The following NEB variants were observed in gnomAD, a reference collection of about 807,000 sequenced individuals.
NEB encodes the protein nemaline myopathy type 2.
NEB carries 512 observed loss-of-function variants against 952.2 expected under a neutral mutation model. The ratio of observed to expected loss-of-function variants is 0.54; its 90% CI spans 0.50 to 0.58. The LOEUF (loss-of-function observed/expected upper bound fraction) is 0.58, where lower values mean the gene tolerates loss of function less well. Ranked by LOEUF, NEB falls within the 20% of genes least tolerant of loss-of-function variation. The pLI, the probability that NEB is intolerant of heterozygous loss-of-function variation, is 0.00. For missense variants in NEB, 8,428 were observed against 9,231.1 expected (o/e 0.91, Z 3.56); for synonymous variants, 2,900 against 3,149.8 (o/e 0.92, Z 2.66).
intron 121 of NEB, among the ~76,000 whole-genome samples, chr2:151,561,731 T>A (rs922678207): frequency 2.6e-5 from 4 of 152,146 alleles, no homozygotes; most frequent in Non-Finnish European, 5.9e-5. Context: ...AACCACGTGC[T>A]GAAAAGTTTT....
At chr2:151,709,280 T>C (rs1194100289) in intron 12 of NEB, among the ~76,000 whole-genome samples, 4 of 152,212 alleles carry the variant, frequency 2.6e-5, no homozygotes, top group Non-Finnish European at 4.4e-5. Context: ...TGTCTAAGAT[T>C]ACAATCTTTC....
In NEB at chr2:151,485,875, T is replaced by C. The variant is rs201714437; in HGVS notation, c.25463A>G (p.Lys8488Arg). The C allele has an allele frequency of 7.4e-4, 1,193 of 1,613,906 alleles. No individual in the cohort carries two copies. Among genetic ancestry groups the C allele is most frequent in the Non-Finnish European group, 9.8e-4 (1,161 of 1,179,882 alleles). ...MAADADEVSF[K>R]DGDAIINVQA... Reference sequence around the variant, plus strand: ...AACATTTATGATGGCATCTCCATCCTTGAAGGACACCTCATCTGCATCAGC... The same window carrying C: ...AACATTTATGATGGCATCTCCATCCCTGAAGGACACCTCATCTGCATCAGC... The change falls in exon 182 of 182, where the codon AAG becomes AGG. Residue 8488 changes from lysine (K) to arginine (R), a missense_variant. This residue lies in a region of NEB where 3,374 missense variants were observed against 3,651.5 expected (regional missense o/e 0.92). Transcript: ENST00000397345.
In NEB at chr2:151,684,887, T is replaced by C. The variant is rs1332527627; in HGVS notation, c.2726A>G (p.Gln909Arg). 6.2e-7 allele frequency: 1 copy of C among 1,603,856 alleles called. No homozygotes were observed. The highest frequency in any genetic ancestry group is 8.5e-7 in the Non-Finnish European group (1 of 1,171,030). The change falls in exon 28 of 182, where the codon CAG becomes CGG. Residue 909 changes from glutamine to arginine, a missense_variant. Coordinates refer to ENST00000397345, the MANE Select transcript of NEB (RefSeq NM_001164508.2). ...ATAATCAACGTCGCTGGCAATTGCCTGAGATTTCTTAGCTTGAGTGACTTG... is the reference window on the plus strand; with the variant it reads ...ATAATCAACGTCGCTGGCAATTGCCCGAGATTTCTTAGCTTGAGTGACTTG... ...MLQVTQAKKS[Q>R]AIASDVDYKH...
intron 172 of NEB, 52 bp downstream of exon 172, chr2:151,496,889 G>GAAAT (rs1254096630): frequency 1.4e-6 from 2 of 1,466,860 alleles, no homozygotes; most frequent in South Asian, 2.5e-5. Flanking sequence ...TTTAAATCAT[G>GAAAT]AAATAGTTTT....
intron 24 of NEB, 64 bp downstream of exon 24, chr2:151,690,663 G>T: frequency 1.7e-6 from 2 of 1,159,172 alleles, no homozygotes; most frequent in Non-Finnish European, 2.5e-6. Context: ...GCATGTAAAT[G>T]CTTACATTTT....
Position 151,630,733 on chromosome 2 carries a change from G to A in NEB, c.9705C>T (p.Asn3235=). ...CTCCTACCTCACTGTAGTTGATTTT[G>A]TTCTGCCTTGCCAACATAATCTCTG... The part of the protein sequence containing the change: ...DTPEIMLARQ[N]KINYSETLYK... The change falls in exon 67 of 182, where the codon AAC becomes AAT. Residue 3235 remains asparagine, a synonymous_variant. Coordinates refer to ENST00000397345, the MANE Select transcript of NEB (RefSeq NM_001164508.2). 2 of 1,608,342 alleles carry A rather than the reference G, an allele frequency of 1.2e-6. No individual in the cohort carries two copies. Among genetic ancestry groups the A allele is most frequent in the Non-Finnish European group, 1.7e-6 (2 of 1,176,952 alleles).
Position 151,665,539 on chromosome 2 carries a change from T to G in NEB, c.5032A>C (p.Asn1678His). 1 of 1,577,926 alleles carries G rather than the reference T, an allele frequency of 6.3e-7. No individual in the cohort carries two copies. The highest frequency in any genetic ancestry group is 8.6e-7 in the Non-Finnish European group (1 of 1,159,850). The change falls in exon 42 of 182, where the codon AAT (asparagine) becomes CAT (histidine). Residue 1678 changes from asparagine to histidine, a missense_variant and splice_region_variant. Asn to His is a moderately conservative substitution (Grantham distance 68). Coordinates refer to ENST00000397345, the MANE Select transcript of NEB (RefSeq NM_001164508.2). ...SRNAMQIQSD[N>H]LYKSDFTNWM... ...TTGGTGAAGTCAGATTTGTACAGAT[T>G]CTTTACAATGAGAAAAAAAATTTCA...
intron 161 of NEB, among the ~76,000 whole-genome samples, chr2:151,508,743 G>GCTGA (rs781186746): frequency 1.3e-5 from 2 of 152,226 alleles, no homozygotes; most frequent in Non-Finnish European, 2.9e-5. Flanking sequence ...ACTAAGGCCA[G>GCTGA]CTGACTGGCC....
Position 151,650,575 on chromosome 2 carries a change from T to G in NEB, c.7226A>C (p.Glu2409Ala), listed in dbSNP as rs755388476. 6.4e-7 allele frequency: 1 copy of G among 1,556,416 alleles called. No individual in the cohort carries two copies. The highest frequency in any genetic ancestry group is 2.0e-5 in the Admixed American group (1 of 50,350). ...QAKKVYELQS[E>A]NLYKSDLEWL... Reference sequence around the variant, plus strand: ...CTATTGGATTTAATAGAAACTGACCTCACTTTGCAGTTCATAAACTTTCTT... The same window carrying G: ...CTATTGGATTTAATAGAAACTGACCGCACTTTGCAGTTCATAAACTTTCTT... Residue 2409 changes from glutamate (E) to alanine (A), a missense_variant and splice_region_variant, in exon 53 of 182, where the codon GAG becomes GCG. By Grantham distance (107) the Glu-to-Ala change is moderately radical (BLOSUM62 -1). This residue lies in a region of NEB where 1,772 missense variants were observed against 1,960.3 expected (regional missense o/e 0.90). Coordinates refer to ENST00000397345, the MANE Select transcript of NEB (RefSeq NM_001164508.2).
chr2:151,620,826 G>A lies in NEB; in HGVS notation c.10560+93C>T, dbSNP rs2098400989. On this transcript the variant is annotated intron_variant, in intron 72 of 181. Coordinates refer to ENST00000397345, the MANE Select transcript of NEB (RefSeq NM_001164508.2). ...AGTATATTTGCCTATGCACTGAAGG[G>A]AGTTAAGGTGGATGATGACCAAAGA... 2.0e-5 allele frequency: 19 copies of A among 949,218 alleles called. No homozygotes were observed. In the East Asian group the frequency reaches 5.0e-4, roughly 25 times the overall value. 58.8% of individuals were successfully genotyped at this position (949,218 alleles called of 1,614,324 possible). A position where few individuals can be genotyped will look rare whatever the true frequency, so the allele number is the denominator to read the frequency against.
chr2:151,629,700 G>A (rs1209910034), intron 67 of NEB, 54 bp from the exon 68 acceptor site: 1 of 1,446,790 alleles, frequency 6.9e-7, no homozygotes, highest in Non-Finnish European at 9.7e-7. Context: ...CAACAATTCA[G>A]AGATTATTAA....
chr2:151,677,922 G>A lies in NEB; in HGVS notation c.3521C>T (p.Ala1174Val). 1 of 1,613,622 alleles carries A rather than the reference G, an allele frequency of 6.2e-7. No individual in the cohort carries two copies. The highest frequency in any genetic ancestry group is 2.2e-5 in the East Asian group (1 of 44,880). ...SLHHYTYLPDAMDLELSKNMM... is the reference protein window; with the variant it reads ...SLHHYTYLPDVMDLELSKNMM... The stretch of plus-strand genomic sequence containing the variant: ...GTTCTTAGACAGCTCCAGGTCCATG[G>A]CGTCAGGCAAGTAGGTGTAATGATG... The change falls in exon 33 of 182, where the codon GCC (alanine) becomes GTC (valine). Residue 1174 changes from alanine to valine, a missense_variant. Ala to Val is a moderately conservative substitution (Grantham distance 64). Around this residue, in one of 11 missense-constraint regions of NEB, gnomAD observed 2,851 missense variants for 2,791.5 expected, o/e 1.02. Transcript: ENST00000397345.
In NEB at chr2:151,513,595, A is replaced by G. The variant is rs1253087049; in HGVS notation, c.23226T>C (p.Thr7742=). Residue 7742 remains threonine (T), a synonymous_variant, in exon 160 of 182, where the codon ACT becomes ACC. Transcript: ENST00000397345. Reference sequence around the variant, plus strand: ...TAGCACTGACCTGACTGGCAATATCAGTAGCATTCCTGGCCCTCATAAAAT... The same window carrying G: ...TAGCACTGACCTGACTGGCAATATCGGTAGCATTCCTGGCCCTCATAAAAT... The part of the protein sequence containing the change: ...TPDFMRARNA[T]DIASQIKYKQ... 8.1e-6 allele frequency: 13 copies of G among 1,607,018 alleles called. No individual in the cohort carries two copies. The highest frequency in any genetic ancestry group is 1.1e-5 in the Non-Finnish European group (13 of 1,176,422).
chr2:151,553,369 T>C (rs1347709331), intron 127 of NEB, 29 bp downstream of exon 127: 10 of 1,507,914 alleles, frequency 6.6e-6, no homozygotes, highest in Non-Finnish European at 9.2e-6. Context: ...AATGGAAATA[T>C]ACTAAAGAAC....
chr2:151,575,861 T>G (rs971925449), intron 106 of NEB, 62 bp from the exon 107 acceptor site: 1 of 1,150,472 alleles, frequency 8.7e-7, no homozygotes, highest in East Asian at 2.3e-5. Context: ...AGTCCCACTA[T>G]GCAACTTTTA....
chr2:151,605,722 G>T (rs1421251500), intron 84 of NEB, among the ~76,000 whole-genome samples: 1 of 99,054 alleles, frequency 1.0e-5, no homozygotes, highest in African/African-American at 2.8e-5. Flanking sequence ...AATCAGAGAA[G>T]AACACAGAGA....
At chr2:151,512,945 T>C (rs2075581800) in intron 160 of NEB, 108 bp from the exon 161 acceptor site, 1 of 719,046 alleles carries the variant, frequency 1.4e-6, no homozygotes, top group South Asian at 1.7e-5. Flanking sequence ...GAGGGACTCA[T>C]TCATTTGACA....
chr2:151,653,981 C>T lies in NEB; in HGVS notation c.6915+11G>A. ...AAAATATAGCCTTATAGAACTCAAA[C>T]TAGTACTCACATCACTAGCAATGTC... On this transcript the variant is annotated intron_variant, in intron 52 of 181. Coordinates refer to ENST00000397345, the MANE Select transcript of NEB (RefSeq NM_001164508.2). The T allele has an allele frequency of 6.3e-7, 1 of 1,582,254 alleles. No homozygotes were observed. The highest frequency in any genetic ancestry group is 8.7e-7 in the Non-Finnish European group (1 of 1,152,322).
At position 151,657,987 on chromosome 2, in the gene NEB, C is replaced by T. The variant is rs761032234; in HGVS notation, c.6179G>A (p.Ser2060Asn). ...GACCGTTTCCTTTGGACTTACATCA[C>T]TTGCAATATCTCTGGAAGCCTTGGC... ...KAAKASRDIA[S>N]DYKYKYNYEK... The change falls in exon 48 of 182, where the codon AGT (serine) becomes AAT (asparagine). Residue 2060 changes from serine (S) to asparagine (N), a missense_variant. By Grantham distance (46) the Ser-to-Asn change is conservative. Transcript: ENST00000397345. 1 of 1,600,038 alleles carries T rather than the reference C, an allele frequency of 6.2e-7. No homozygotes were observed. The highest frequency in any genetic ancestry group is 8.6e-7 in the Non-Finnish European group (1 of 1,169,262).
Sources: allele counts gnomAD v4.1 joint callset (sites outside exome capture counted in the v4.1 genomes callset), GRCh38; gene constraint gnomAD v4.1.1; regional missense constraint gnomAD v4.1.1; transcripts MANE v1.5; gene names NCBI Gene and HGNC (gene_info 2026-07-23, HGNC 2026-07-21).